The following FBXL18 variants were observed in gnomAD, a reference collection of about 807,000 sequenced individuals.
The protein encoded by FBXL18 is F-box and leucine rich repeat protein 18.
FBXL18 carries 36 observed loss-of-function variants against 46.0 expected under a neutral mutation model. The ratio of observed to expected loss-of-function variants is 0.78; its 90% CI spans 0.60 to 1.03. FBXL18 has a LOEUF of 1.03. Ranked by LOEUF, FBXL18 falls within the 50% of genes least tolerant of loss-of-function variation. The pLI is 0.00. For synonymous variants in FBXL18, 557 were observed against 465.3 expected (o/e 1.20, Z -2.54); for missense variants, 977 against 1,004.1 (o/e 0.97, Z 0.36).
chr7:5,511,524 T>C (rs534731028), intron 1 of FBXL18, among the ~76,000 whole-genome samples: 5 of 135,224 alleles, frequency 3.7e-5, no homozygotes, highest in Admixed American at 3.1e-4. Context: ...GAGAATCGCT[T>C]GAACCTGGGA....
At chr7:5,454,837 C>T (rs910490541) in intron 4 of FBXL18, among the ~76,000 whole-genome samples, 1 of 152,232 alleles carries the variant, frequency 6.6e-6, no homozygotes, top group Non-Finnish European at 1.5e-5. Flanking sequence ...ACGCCTCCCC[C>T]ACTGCCCATC....
intron 4 of FBXL18, among the ~76,000 whole-genome samples, chr7:5,488,809 C>T (rs930748895): frequency 2.0e-5 from 3 of 152,222 alleles, no homozygotes; most frequent in Non-Finnish European, 4.4e-5. Context: ...CCTGAGAAAA[C>T]CCAGCTTTAG....
intron 1 of FBXL18, among the ~76,000 whole-genome samples, chr7:5,508,956 G>C (rs1784460455): frequency 6.6e-6 from 1 of 152,116 alleles, no homozygotes; most frequent in Admixed American, 6.6e-5. Flanking sequence ...ACATTCAGAG[G>C]CTGAGATGGG....
intron 2 of FBXL18, 112 bp downstream of exon 2, chr7:5,505,300 G>C: frequency 2.0e-6 from 2 of 1,000,278 alleles, no homozygotes; most frequent in South Asian, 3.2e-5. Flanking sequence ...TCAGGACTTG[G>C]AGTTCCTGCC....
At position 5,501,627 on chromosome 7, in the gene FBXL18, C is replaced by T. The variant is rs368163396; in HGVS notation, c.642G>A (p.Ser214=). 1 of 1,613,656 alleles carries T rather than the reference C, an allele frequency of 6.2e-7. No individual in the cohort carries two copies. Among genetic ancestry groups the T allele is most frequent in the Admixed American group, 1.7e-5 (1 of 60,006 alleles). Residue 214 remains serine, a synonymous_variant, in exon 3 of 5, where the codon TCG becomes TCA. Coordinates refer to ENST00000382368, the MANE Select transcript of FBXL18 (RefSeq NM_024963.6). ...LDRTREGAIL[S]GQLMVGQSNV... is the part of the protein sequence containing the mutation. Reference sequence around the variant, plus strand: ...TGCTCTGGCCCACCATAAGCTGGCCCGAGAGGATGGCGCCCTCGCGCGTGC... The same window carrying T: ...TGCTCTGGCCCACCATAAGCTGGCCTGAGAGGATGGCGCCCTCGCGCGTGC...
chr7:5,494,923 G>A (rs1021008923), intron 3 of FBXL18, among the ~76,000 whole-genome samples: 6 of 152,334 alleles, frequency 3.9e-5, no homozygotes, highest in Admixed American at 6.5e-5. Context: ...CTTCCGCCCC[G>A]GAGGAAGTCA....
rs1197058657 is a variant in FBXL18, at chr7:5,506,645, C to T, written c.19-1015G>A. Among the ~76,000 whole-genome samples the T allele has an allele frequency of 3.3e-5, 5 of 152,044 alleles. No individual in the cohort carries two copies. The South Asian group carries it at 1.0e-3, about 32-fold the overall frequency. On this transcript the variant is annotated intron_variant, in intron 1 of 4. Coordinates refer to ENST00000382368, the MANE Select transcript of FBXL18 (RefSeq NM_024963.6). ...GATCTTGGTTCACTGCAACCTCCACCTCGCAGGTTCAGGAGATTTTCGTGC... is the reference window on the plus strand; with the variant it reads ...GATCTTGGTTCACTGCAACCTCCACTTCGCAGGTTCAGGAGATTTTCGTGC...
intron 4 of FBXL18, among the ~76,000 whole-genome samples, chr7:5,488,400 C>A (rs537472677): frequency 2.0e-5 from 3 of 152,174 alleles, no homozygotes; most frequent in African/African-American, 4.8e-5. Context: ...GAGGGTGGGG[C>A]GGGGGGCTGC....
In FBXL18 at chr7:5,490,126, C is replaced by A. The variant is rs555249435; in HGVS notation, c.2000+1105G>T. 6 of 1,361,094 alleles carry A rather than the reference C, an allele frequency of 4.4e-6. No individual in the cohort carries two copies. The East Asian group carries it at 2.8e-4, about 63-fold the overall frequency. 84.3% of individuals were successfully genotyped at this position (1,361,094 alleles called of 1,614,324 possible). Reference sequence around the variant, plus strand: ...AGAGTCTGGCAAGCAGGGTTGTCGGCGCCCAGTGGCTCGAGACGTCCTGGC... The same window carrying A: ...AGAGTCTGGCAAGCAGGGTTGTCGGAGCCCAGTGGCTCGAGACGTCCTGGC... On this transcript the variant is annotated intron_variant, in intron 4 of 4. Transcript: ENST00000382368.
At chr7:5,467,136 G>A (rs932740819) in intron 4 of FBXL18, among the ~76,000 whole-genome samples, 1 of 152,170 alleles carries the variant, frequency 6.6e-6, no homozygotes, top group Admixed American at 6.5e-5. Flanking sequence ...CGGATCACGA[G>A]TTCAGGAGAT....
At chr7:5,504,552 C>T (rs1287417234) in intron 2 of FBXL18, among the ~76,000 whole-genome samples, 10 of 145,916 alleles carry the variant, frequency 6.9e-5, no homozygotes, top group Admixed American at 6.1e-4. Context: ...GTGATCCACC[C>T]ACCTCAGCCT....
chr7:5,488,230 C>A (rs145701709), intron 4 of FBXL18, among the ~76,000 whole-genome samples: 10 of 152,362 alleles, frequency 6.6e-5, no homozygotes, highest in African/African-American at 2.2e-4. Context: ...CTGCAAGGGG[C>A]GGCATGGAGC....
intron 4 of FBXL18, among the ~76,000 whole-genome samples, chr7:5,460,008 C>T (rs1048924585): frequency 1.3e-5 from 2 of 152,068 alleles, no homozygotes; most frequent in African/African-American, 2.4e-5. Flanking sequence ...GCCTGTAATC[C>T]CAACACTTTG....
At chr7:5,489,076 C>G in intron 4 of FBXL18, 1 of 307,070 alleles carries the variant, frequency 3.3e-6, no homozygotes, top group Non-Finnish European at 6.4e-6. Context: ...CAGGCGAAGT[C>G]AAGATCCAAA....
intron 3 of FBXL18, among the ~76,000 whole-genome samples, chr7:5,499,233 C>G (rs752243131): frequency 6.6e-5 from 10 of 152,186 alleles, no homozygotes; most frequent in Non-Finnish European, 1.2e-4. Flanking sequence ...AGGGAGGCTG[C>G]TCCCTCTCCC....
In FBXL18 at chr7:5,501,195, G is replaced by A; in HGVS notation, c.1074C>T (p.Ser358=). ...LNLSGCVHCL[S]PDSLLRKAED... The stretch of plus-strand genomic sequence containing the variant: ...CCGCCTTGCGGAGCAGCGAGTCTGG[G>A]GACAGGCAGTGGACGCAGCCGCTGA... Residue 358 remains serine (S), a synonymous_variant, in exon 3 of 5, where the codon TCC becomes TCT. Transcript: ENST00000382368. The A allele has an allele frequency of 1.2e-6, 2 of 1,613,362 alleles. No homozygotes were observed. The highest frequency in any genetic ancestry group is 1.7e-6 in the Non-Finnish European group (2 of 1,179,678).
At chr7:5,513,167 G>GT (rs1297157337) in intron 1 of FBXL18, among the ~76,000 whole-genome samples, 3 of 152,092 alleles carry the variant, frequency 2.0e-5, no homozygotes, top group African/African-American at 7.2e-5. Context: ...AGGGTACGTC[G>GT]TAAGTCCCTC....
chr7:5,463,349 G>A (rs1460179065), intron 4 of FBXL18, among the ~76,000 whole-genome samples: 12 of 152,038 alleles, frequency 7.9e-5, no homozygotes, highest in Non-Finnish European at 1.8e-4. Context: ...GGCTGGGGCA[G>A]TGGCTCAGGC....
intron 1 of FBXL18, among the ~76,000 whole-genome samples, chr7:5,508,316 G>A (rs540733859): frequency 1.3e-4 from 19 of 150,840 alleles, no homozygotes; most frequent in South Asian, 1.1e-3. Flanking sequence ...GCCTGGTGGC[G>A]GGCACCTGTA....
Sources: gnomAD v4.1 joint callset for allele counts (sites outside exome capture counted in the v4.1 genomes callset) on GRCh38, gnomAD v4.1.1 for gene constraint, MANE v1.5 for transcripts, NCBI Gene and HGNC (gene_info 2026-07-23, HGNC 2026-07-21) for gene names.